MAX: variants seen among roughly 807,000 people sequenced by gnomAD.
MAX encodes the protein MYC associated transcriptional regulator X, also known as protein max.
Under a neutral mutation model 22.3 loss-of-function variants are expected in MAX, and 3 were observed. The observed-to-expected ratio is 0.13, with a 90% CI of 0.06 to 0.35. The LOEUF (loss-of-function observed/expected upper bound fraction) is 0.35, where lower values mean the gene tolerates loss of function less well. Ranked by LOEUF, MAX falls within the 10% of genes least tolerant of loss-of-function variation. The pLI, the probability that MAX is intolerant of heterozygous loss-of-function variation, is 1.00. For synonymous variants in MAX, 72 were observed against 77.7 expected, an observed-to-expected ratio of 0.93 and a Z score of 0.39; for missense variants, 119 against 209.4, an observed-to-expected ratio of 0.57 and a Z score of 2.66.
At chr14:65,050,625 T>C (rs2062585690) in intron 3 of MAX, among the ~76,000 whole-genome samples, 1 of 152,096 alleles carries the variant, frequency 6.6e-6, no homozygotes, top group African/African-American at 2.4e-5. Flanking sequence ...ATGCTGGAGG[T>C]GGTATAGCAA....
At chr14:65,091,559 C>G (rs2063509780) in intron 3 of MAX, among the ~76,000 whole-genome samples, 1 of 152,188 alleles carries the variant, frequency 6.6e-6, no homozygotes, top group African/African-American at 2.4e-5. Flanking sequence ...TCTACCCACT[C>G]TGGCCTCTGT....
At position 65,042,193 on chromosome 14, in the gene MAX, G is replaced by A. The variant is rs541433109; in HGVS notation, c.172-35909C>T. ...TTTTTCCGTGGACCTGGGGTTGGGG[G>A]TGGGACGGGGGGTGATGGCTTCAGG... is the stretch of plus-strand genomic sequence containing the variant. On this transcript the variant is annotated intron_variant, in intron 3 of 3. Coordinates refer to the MAX transcript ENST00000341653. Among the ~76,000 whole-genome samples, 3 of 152,116 alleles carry A rather than the reference G, an allele frequency of 2.0e-5. No homozygotes were observed. In the South Asian group the frequency reaches 6.2e-4, roughly 32 times the overall value.
At chr14:65,039,835 A>T (rs1202186735) in intron 3 of MAX, among the ~76,000 whole-genome samples, 1 of 152,228 alleles carries the variant, frequency 6.6e-6, no homozygotes, top group Non-Finnish European at 1.5e-5. Context: ...TTCATTATAA[A>T]AACTTTTTGA....
rs752128728 is a variant in MAX at position 65,102,365 on chromosome 14, T to A, written c.-26A>T. 6 of 1,612,698 alleles carry A rather than the reference T, an allele frequency of 3.7e-6. No homozygotes were observed. The highest frequency in any genetic ancestry group is 5.1e-6 in the Non-Finnish European group (6 of 1,179,490). On this transcript the variant is annotated 5_prime_UTR_variant, in exon 1 of 5. Transcript: ENST00000358664. Reference sequence around the variant, plus strand: ...TTCCTACGGCCCAGGGAGCGGCCACTGCAGCGGCGGCGGGGAGGGGAAGGG... The same window carrying A: ...TTCCTACGGCCCAGGGAGCGGCCACAGCAGCGGCGGCGGGGAGGGGAAGGG...
At chr14:65,061,645 C>A (rs143383452) in intron 3 of MAX, 3 of 234,156 alleles carry the variant, frequency 1.3e-5, no homozygotes, top group Non-Finnish European at 8.7e-6. Context: ...CTGAGTATTA[C>A]GGCATCCAGA....
At position 65,054,760 on chromosome 14, in the gene MAX, C is replaced by T; in HGVS notation, c.171+38948G>A. On this transcript the variant is annotated intron_variant, in intron 3 of 3. Coordinates refer to the MAX transcript ENST00000341653. The surrounding 1 kb of genome is among the most constrained non-coding windows in gnomAD (Gnocchi z 4.4). ...GCGGACAGAAGGCTTTCCAAGTAAGCAGAACTGGCTCTGCATTTCCTGTGT... is the reference window on the plus strand; with the variant it reads ...GCGGACAGAAGGCTTTCCAAGTAAGTAGAACTGGCTCTGCATTTCCTGTGT... 6.7e-7 allele frequency: 1 copy of T among 1,485,308 alleles called. No homozygotes were observed. The highest frequency in any genetic ancestry group is 9.2e-7 in the Non-Finnish European group (1 of 1,089,696). 92.0% of individuals were successfully genotyped at this position (1,485,308 alleles called of 1,614,324 possible).
chr14:65,077,292 ATTTAT>A lies in MAX; in HGVS notation c.295+616_295+620del, dbSNP rs1365435799. On this transcript the variant is annotated intron_variant, in intron 4 of 4. Transcript: ENST00000358664. The surrounding 1 kb of genome is among the most constrained non-coding windows in gnomAD (Gnocchi z 6.3). The stretch of plus-strand genomic sequence containing the variant: ...TGAGCCTGGAAGGTCAACCCATTTA[ATTTAT>A]TTTATTTTATTTTATTTGAGGTTTT... 9 of 1,302,916 alleles carry A rather than the reference ATTTAT, an allele frequency of 6.9e-6. No individual in the cohort carries two copies. Among genetic ancestry groups the A allele is most frequent in the East Asian group, 2.5e-5 (1 of 40,046 alleles). The allele number at this position is 1,302,916 out of a possible 1,614,324, so 80.7% of individuals were successfully genotyped here. A position where few individuals can be genotyped will look rare whatever the true frequency, so the allele number is the denominator to read the frequency against.
At chr14:65,064,829 C>G (rs1006176736) in intron 3 of MAX, among the ~76,000 whole-genome samples, 1 of 152,218 alleles carries the variant, frequency 6.6e-6, no homozygotes, top group Non-Finnish European at 1.5e-5. Context: ...ATGGCCATTG[C>G]TCTCAAACAG....
chr14:65,027,406 C>T lies in MAX; in HGVS notation c.172-21122G>A, dbSNP rs371854853. 5 of 1,605,682 alleles carry T rather than the reference C, an allele frequency of 3.1e-6. No homozygotes were observed. In the African/African-American group the frequency reaches 4.0e-5, roughly 13 times the overall value. On this transcript the variant is annotated intron_variant, in intron 3 of 3. Coordinates refer to the MAX transcript ENST00000341653. The surrounding 1 kb of genome is among the most constrained non-coding windows in gnomAD (Gnocchi z 5.7). ...ATCTAGTGGGAATTTGGTGTTTTGA[C>T]ATGAATGCTCTCTGACTTTGTTTTT...
chr14:65,046,303 G>C (rs1489274355), intron 3 of MAX, among the ~76,000 whole-genome samples: 1 of 152,196 alleles, frequency 6.6e-6, no homozygotes, highest in African/African-American at 2.4e-5. Context: ...AAAAAAACTT[G>C]GGGTCATGGT....
In MAX at chr14:65,014,398, G is replaced by T. The variant is rs1289159982; in HGVS notation, c.172-8114C>A. On this transcript the variant is annotated intron_variant, in intron 3 of 3. Coordinates refer to the MAX transcript ENST00000341653. The surrounding 1 kb of genome is among the most constrained non-coding windows in gnomAD (Gnocchi z 5.1). Reference sequence around the variant, plus strand: ...CAAAACTCTGTTTTCGTCCATTACAGCATTTCTCCAGGTATATGTACACGT... The same window carrying T: ...CAAAACTCTGTTTTCGTCCATTACATCATTTCTCCAGGTATATGTACACGT... Among the ~76,000 whole-genome samples, 1 of 152,098 alleles carries T rather than the reference G, an allele frequency of 6.6e-6. No homozygotes were observed. Among genetic ancestry groups the T allele is most frequent in the Non-Finnish European group, 1.5e-5 (1 of 68,028 alleles).
chr14:65,043,856 A>G (rs1404365131), intron 3 of MAX, among the ~76,000 whole-genome samples: 1 of 148,376 alleles, frequency 6.7e-6, no homozygotes, highest in Admixed American at 6.8e-5. Context: ...AAAAAAAAAA[A>G]AAAAGAAATG....
Position 65,062,792 on chromosome 14 carries a change from C to T in MAX, c.171+30916G>A, listed in dbSNP as rs1443435690. 1 of 152,474 alleles carries T rather than the reference C, an allele frequency of 6.6e-6. No homozygotes were observed. The highest frequency in any genetic ancestry group is 1.5e-5 in the Non-Finnish European group (1 of 68,060). 9.4% of individuals were successfully genotyped at this position (152,474 alleles called of 1,614,324 possible). ...TGGTGACAGAGGAATGACCGAGTTC[C>T]ATCCTCACATGCCGTCTCCTCCAGT... On this transcript the variant is annotated intron_variant, in intron 3 of 3. Coordinates refer to the MAX transcript ENST00000341653. The surrounding 1 kb of genome is among the most constrained non-coding windows in gnomAD (Gnocchi z 4.3).
chr14:65,010,219 A>T (rs1301166928), intron 3 of MAX, among the ~76,000 whole-genome samples: 1 of 151,638 alleles, frequency 6.6e-6, no homozygotes, highest in Non-Finnish European at 1.5e-5. Context: ...GCATATGTAA[A>T]CTCTCCTGTT....
chr14:65,013,135 C>A (rs1296107604), intron 3 of MAX, among the ~76,000 whole-genome samples: 5 of 152,100 alleles, frequency 3.3e-5, no homozygotes, highest in African/African-American at 4.8e-5. Flanking sequence ...ATTTGGGTTC[C>A]ACATTTGATT....
chr14:65,077,995 G>A lies in MAX; in HGVS notation c.213C>T (p.Ile71=), dbSNP rs777274451. The change falls in exon 4 of 5, where the codon ATC becomes ATT. Residue 71 remains isoleucine (I), a synonymous_variant. Coordinates refer to ENST00000358664, the MANE Select transcript of MAX (RefSeq NM_002382.5). The surrounding 1 kb of genome is among the most constrained non-coding windows in gnomAD (Gnocchi z 6.3). ...AQILDKATEY[I]QYMRRKNHTH... ...TGTGGTTTTTCCTTCGCATATACTG[G>A]ATATATTCTGTGGCTTTGTCTAGGA... 2 of 1,614,166 alleles carry A rather than the reference G, an allele frequency of 1.2e-6. No homozygotes were observed. Among genetic ancestry groups the A allele is most frequent in the Non-Finnish European group, 1.7e-6 (2 of 1,180,036 alleles).
At position 65,009,378 on chromosome 14, in the gene MAX, C is replaced by G. The variant is rs73268763; in HGVS notation, c.172-3094G>C. Among the ~76,000 whole-genome samples the G allele has an allele frequency of 0.02, 3,019 of 152,158 alleles. 72 individuals carry two copies. The highest frequency in any genetic ancestry group is 0.081 in the East Asian group (419 of 5,176). On this transcript the variant is annotated intron_variant, in intron 3 of 3. Coordinates refer to the MAX transcript ENST00000341653. The surrounding 1 kb of genome is among the most constrained non-coding windows in gnomAD (Gnocchi z 4.2). ...CTAACTGCCTTATAATCCTTTTATT[C>G]GTCTCATGTAGATTCCCTAACACAC...
chr14:65,041,568 C>T (rs184353723), intron 3 of MAX, among the ~76,000 whole-genome samples: 62 of 152,310 alleles, frequency 4.1e-4, no homozygotes, highest in Non-Finnish European at 4.4e-5. Flanking sequence ...CTGACCATGA[C>T]GTCAAAGCAA....
In MAX at chr14:65,079,928, A is replaced by C. The variant is rs2063160439; in HGVS notation, c.172-1892T>G. Among the ~76,000 whole-genome samples, 1 of 152,244 alleles carries C rather than the reference A, an allele frequency of 6.6e-6. No individual in the cohort carries two copies. The highest frequency in any genetic ancestry group is 6.5e-5 in the Admixed American group (1 of 15,292). On this transcript the variant is annotated intron_variant, in intron 3 of 4. Coordinates refer to ENST00000358664, the MANE Select transcript of MAX (RefSeq NM_002382.5). The surrounding 1 kb of genome is among the most constrained non-coding windows in gnomAD (Gnocchi z 4.5). ...CAACCATTTTTATCAGGTGCAAATT[A>C]CGTACAAGATACTAGGCAGATACTG...
Sources: gnomAD v4.1 joint callset for allele counts (sites outside exome capture counted in the v4.1 genomes callset) on GRCh38, gnomAD v4.1.1 for gene constraint, Gnocchi (gnomAD v3.1) non-coding constraint, MANE v1.5 for transcripts, NCBI Gene and HGNC (gene_info 2026-07-23, HGNC 2026-07-21) for gene names.